The following PHIP variants were observed in gnomAD, a reference collection of about 807,000 sequenced individuals.
PHIP encodes the protein PH-interacting protein.
PHIP carries 54 observed loss-of-function variants against 236.8 expected under a neutral mutation model. That is an observed-to-expected ratio of 0.23 (90% confidence interval 0.18 to 0.29). The LOEUF is 0.29. PHIP is among the 10% of genes least tolerant of loss of function. PHIP has a pLI of 1.00. For synonymous variants in PHIP, 756 were observed against 718.9 expected, an observed-to-expected ratio of 1.05 and a Z score of -0.83; for missense variants, 1,370 against 2,190.8, an observed-to-expected ratio of 0.63 and a Z score of 7.48.
In PHIP at chr6:79,027,705, T is replaced by C. The variant is rs186221076; in HGVS notation, c.601-1541A>G. Among the ~76,000 whole-genome samples the C allele has an allele frequency of 1.5e-3, 221 of 152,224 alleles. 2 individuals are homozygous for C. The highest frequency in any genetic ancestry group is 3.6e-3 in the Admixed American group (55 of 15,280). ...TTTAACCACTGTTAATCAGCAGAGATTCAAACAAGGAAACAGTCTACTTTT... is the reference window on the plus strand; with the variant it reads ...TTTAACCACTGTTAATCAGCAGAGACTCAAACAAGGAAACAGTCTACTTTT... On this transcript the variant is annotated intron_variant, in intron 7 of 39. Coordinates refer to ENST00000275034, the MANE Select transcript of PHIP (RefSeq NM_017934.7).
At chr6:79,015,273 A>C in intron 14 of PHIP, 57 bp from the exon 15 acceptor site, 1 of 1,370,720 alleles carries the variant, frequency 7.3e-7, no homozygotes, top group Non-Finnish European at 1.0e-6. Flanking sequence ...AAGAAAAACA[A>C]ACATAATGAA....
At position 78,958,623 on chromosome 6, in the gene PHIP, G is replaced by C. The variant is rs1394828159; in HGVS notation, c.3657-23C>G. 4 of 1,426,308 alleles carry C rather than the reference G, an allele frequency of 2.8e-6. No homozygotes were observed. In the African/African-American group the frequency reaches 4.3e-5, roughly 15 times the overall value. The allele number at this position is 1,426,308 out of a possible 1,614,324, so 88.4% of individuals were successfully genotyped here. A position where few individuals can be genotyped will look rare whatever the true frequency, so the allele number is the denominator to read the frequency against. ...CGCCTTAAAAAAACAAAATATAGAA[G>C]TTTTAACTTCCTTATATTTAGAAAT... is the stretch of plus-strand genomic sequence containing the variant. On this transcript the variant is annotated intron_variant, in intron 31 of 39. Coordinates refer to ENST00000275034, the MANE Select transcript of PHIP (RefSeq NM_017934.7).
At chr6:78,966,908 TATTA>T (rs951777858) in intron 27 of PHIP, among the ~76,000 whole-genome samples, 2 of 152,250 alleles carry the variant, frequency 1.3e-5, no homozygotes, top group Non-Finnish European at 2.9e-5. Context: ...ACTTTGAATA[TATTA>T]ATTATTTTTG....
At chr6:78,989,748 A>G (rs1344273133) in intron 20 of PHIP, among the ~76,000 whole-genome samples, 2 of 152,180 alleles carry the variant, frequency 1.3e-5, no homozygotes, top group Non-Finnish European at 2.9e-5. Context: ...ATAGATATTA[A>G]CATATTCCAT....
chr6:78,995,161 A>G lies in PHIP; in HGVS notation c.2201+2253T>C, dbSNP rs187203599. Among the ~76,000 whole-genome samples the G allele has an allele frequency of 2.0e-5, 3 of 152,360 alleles. No homozygotes were observed. The East Asian group carries it at 5.8e-4, about 29-fold the overall frequency. ...TTGAAATTATTTTTCTCCACTCAGCATAATTCCCTCAAGATTCATACCCAT... is the reference window on the plus strand; with the variant it reads ...TTGAAATTATTTTTCTCCACTCAGCGTAATTCCCTCAAGATTCATACCCAT... On this transcript the variant is annotated intron_variant, in intron 19 of 39. Coordinates refer to ENST00000275034, the MANE Select transcript of PHIP (RefSeq NM_017934.7).
intron 27 of PHIP, 152 bp downstream of exon 27, chr6:78,969,683 C>T (rs1416962758): frequency 4.7e-6 from 2 of 427,226 alleles, no homozygotes; most frequent in Non-Finnish European, 8.2e-6. Context: ...AACAATACCT[C>T]TGACATAGTA....
At chr6:79,074,170 T>A (rs371039981) in intron 4 of PHIP, among the ~76,000 whole-genome samples, 1 of 151,796 alleles carries the variant, frequency 6.6e-6, no homozygotes, top group South Asian at 2.1e-4. Flanking sequence ...TCTAATAAAG[T>A]GGAATAATTT....
intron 19 of PHIP, among the ~76,000 whole-genome samples, chr6:78,991,989 A>C (rs1582182952): frequency 7.2e-6 from 1 of 138,940 alleles, no homozygotes; most frequent in African/African-American, 2.7e-5. Context: ...TTTGAGATGG[A>C]GTCTCGCTGT....
intron 24 of PHIP, among the ~76,000 whole-genome samples, chr6:78,975,435 C>T (rs1767976498): frequency 6.6e-6 from 1 of 152,208 alleles, no homozygotes; most frequent in African/African-American, 2.4e-5. Flanking sequence ...TGGGCAAAAA[C>T]TGGAAGCATT....
At chr6:78,988,609 A>G (rs1769016397) in intron 20 of PHIP, among the ~76,000 whole-genome samples, 1 of 152,190 alleles carries the variant, frequency 6.6e-6, no homozygotes, top group Non-Finnish European at 1.5e-5. Flanking sequence ...ATTTGTTCAT[A>G]TTTAAGATAT....
chr6:78,982,571 T>C (rs1295342590), intron 23 of PHIP, among the ~76,000 whole-genome samples: 3 of 152,078 alleles, frequency 2.0e-5, no homozygotes, highest in African/African-American at 7.2e-5. Flanking sequence ...ACACTATATG[T>C]TTTGTATCAT....
intron 4 of PHIP, among the ~76,000 whole-genome samples, chr6:79,076,799 CA>C (rs1326673407): frequency 2.0e-5 from 3 of 152,150 alleles, no homozygotes; most frequent in Non-Finnish European, 2.9e-5. Flanking sequence ...ACAGGCTTTA[CA>C]CTTCTGCAAA....
intron 7 of PHIP, among the ~76,000 whole-genome samples, chr6:79,040,228 G>A (rs1426136086): frequency 1.3e-5 from 2 of 151,994 alleles, no homozygotes; most frequent in African/African-American, 4.8e-5. Flanking sequence ...TGAGAAAACT[G>A]GAGATTAAAG....
intron 9 of PHIP, among the ~76,000 whole-genome samples, 164 bp from the exon 10 acceptor site, chr6:79,019,323 T>C (rs190119289): frequency 6.6e-6 from 1 of 152,116 alleles, no homozygotes; most frequent in Non-Finnish European, 1.5e-5. Flanking sequence ...AATCAGAAGA[T>C]CTTGTAGAAA....
At chr6:79,074,769 C>G (rs544699715) in intron 4 of PHIP, among the ~76,000 whole-genome samples, 2 of 152,246 alleles carry the variant, frequency 1.3e-5, no homozygotes, top group African/African-American at 4.8e-5. Context: ...ACTTTTAAAA[C>G]TGCTCTTAAA....
In PHIP at chr6:79,017,546, AAT is replaced by A; in HGVS notation, c.1030_1031del (p.Ile344TyrfsTer22). 6.2e-7 allele frequency: 1 copy of A among 1,612,304 alleles called. No homozygotes were observed. Among genetic ancestry groups the A allele is most frequent in the Non-Finnish European group, 8.5e-7 (1 of 1,178,700 alleles). ...CTGATCCAAAAAAATAAACCCGAAT[AAT>A]ATGATCTGTGCTTCCCGTCGCCAGA... The part of the protein sequence containing the change: ...MFLATGSTDH[I>X]IRVYFFGSGQ... On this transcript the variant is annotated frameshift_variant, in exon 11 of 40. Transcript: ENST00000275034. LOFTEE classifies it high-confidence loss of function.
chr6:78,988,381 A>G, intron 20 of PHIP, 32 bp from the exon 21 acceptor site: 3 of 1,509,910 alleles, frequency 2.0e-6, no homozygotes, highest in Non-Finnish European at 9.0e-7. Flanking sequence ...TTATTCACAG[A>G]TTGTTTAAAG....
chr6:79,018,029 T>A (rs1403969864), intron 10 of PHIP, among the ~76,000 whole-genome samples: 1 of 151,928 alleles, frequency 6.6e-6, no homozygotes, highest in Non-Finnish European at 1.5e-5. Context: ...TCTTCAGAAC[T>A]CCCCTAAGAC....
At position 78,939,512 on chromosome 6, in the gene PHIP, TA is replaced by T. The variant is rs1773389198; in HGVS notation, c.*1180del. The stretch of plus-strand genomic sequence containing the variant: ...ACTATAAAGTATGACATTTTAAAAT[TA>T]TTTTTATTCTACTGCTATCTAAAAA... On this transcript the variant is annotated 3_prime_UTR_variant, in exon 40 of 40. Transcript: ENST00000275034. 6.6e-6 allele frequency: 1 copy of T among 151,924 alleles called. No homozygotes were observed. The highest frequency in any genetic ancestry group is 1.5e-5 in the Non-Finnish European group (1 of 67,792). 9.4% of individuals were successfully genotyped at this position (151,924 alleles called of 1,614,324 possible). A position where few individuals can be genotyped will look rare whatever the true frequency, so the allele number is the denominator to read the frequency against.
Sources: gnomAD v4.1 joint callset for allele counts (sites outside exome capture counted in the v4.1 genomes callset) on GRCh38, gnomAD v4.1.1 for gene constraint, MANE v1.5 for transcripts, NCBI Gene and HGNC (gene_info 2026-07-23, HGNC 2026-07-21) for gene names.